ERBB4: variants seen among roughly 807,000 people sequenced by gnomAD.
ERBB4 encodes the protein erb-b2 receptor tyrosine kinase 4, also known as receptor tyrosine-protein kinase erbB-4.
A neutral mutation model predicts 158.0 loss-of-function variants in ERBB4; 42 were observed. The observed-to-expected ratio is 0.27, with a 90% confidence interval of 0.21 to 0.34. ERBB4 has a LOEUF of 0.34. Ranked by LOEUF, ERBB4 falls within the 10% of genes least tolerant of loss-of-function variation. The pLI, the probability that ERBB4 is intolerant of heterozygous loss-of-function variation, is 1.00. For synonymous variants in ERBB4, 583 were observed against 558.7 expected (o/e 1.04, Z -0.61); for missense variants, 1,333 against 1,624.1 (o/e 0.82, Z 3.08).
chr2:211,381,894 T>C lies in ERBB4; in HGVS notation c.*1721A>G. ...CAGAAAAGGGCGACTTATATCTAAGTTTCCTAATTATTGATGTGAGGCCCC... is the reference window on the plus strand; with the variant it reads ...CAGAAAAGGGCGACTTATATCTAAGCTTCCTAATTATTGATGTGAGGCCCC... On this transcript the variant is annotated 3_prime_UTR_variant, in exon 28 of 28. Transcript: ENST00000342788. 1 of 229,506 alleles carries C rather than the reference T, an allele frequency of 4.4e-6. No individual in the cohort carries two copies. The highest frequency in any genetic ancestry group is 6.2e-5 in the East Asian group (1 of 16,018). 14.2% of individuals were successfully genotyped at this position (229,506 alleles called of 1,614,324 possible). A position where few individuals can be genotyped will look rare whatever the true frequency, so the allele number is the denominator to read the frequency against.
rs572521211 is a variant in ERBB4 at position 212,230,690 on chromosome 2, G to C, written c.83-105787C>G. ...TACAAAATCTACGTCTATATAATAT[G>C]AATCATACTACTTATTCAGGTTATC... On this transcript the variant is annotated intron_variant, in intron 1 of 27. Transcript: ENST00000342788. Among the ~76,000 whole-genome samples, 8 of 152,218 alleles carry C rather than the reference G, an allele frequency of 5.3e-5. No individual in the cohort carries two copies. In the East Asian group the frequency reaches 1.5e-3, roughly 29 times the overall value.
intron 1 of ERBB4, among the ~76,000 whole-genome samples, chr2:212,169,287 T>C (rs889125002): frequency 6.6e-6 from 1 of 152,030 alleles, no homozygotes; most frequent in Non-Finnish European, 1.5e-5. Flanking sequence ...CAACAGAAAA[T>C]TGAATTAGTA....
At chr2:212,132,472 G>A (rs1256556969) in intron 1 of ERBB4, among the ~76,000 whole-genome samples, 5 of 152,116 alleles carry the variant, frequency 3.3e-5, no homozygotes, top group African/African-American at 1.2e-4. Context: ...CCCCAGTGTG[G>A]GTGAGTATTA....
chr2:211,518,708 T>C lies in ERBB4; in HGVS notation c.2487+43195A>G, dbSNP rs148526271. On this transcript the variant is annotated intron_variant, in intron 20 of 27. Transcript: ENST00000342788. ...AGGGTTTTGTTTAGTAGATGACTTATATTAGGCTGTAGACGATTTTAAACT... is the reference window on the plus strand; with the variant it reads ...AGGGTTTTGTTTAGTAGATGACTTACATTAGGCTGTAGACGATTTTAAACT... Among the ~76,000 whole-genome samples the C allele has an allele frequency of 5.8e-3, 881 of 152,180 alleles. 7 individuals carry two copies. Among genetic ancestry groups the C allele is most frequent in the African/African-American group, 0.019 (800 of 41,564 alleles).
intron 17 of ERBB4, among the ~76,000 whole-genome samples, chr2:211,625,128 T>C (rs1357051313): frequency 6.6e-6 from 1 of 152,136 alleles, no homozygotes; most frequent in Non-Finnish European, 1.5e-5. Context: ...CTGTATCCTA[T>C]GTTAAAATTT....
chr2:212,119,446 A>G (rs1474235247), intron 2 of ERBB4, among the ~76,000 whole-genome samples: 4 of 152,172 alleles, frequency 2.6e-5, no homozygotes, highest in Non-Finnish European at 5.9e-5. Flanking sequence ...GACAAAGGAG[A>G]GAAAGCTCCC....
At chr2:212,100,265 C>G (rs1366538271) in intron 2 of ERBB4, among the ~76,000 whole-genome samples, 2 of 152,110 alleles carry the variant, frequency 1.3e-5, no homozygotes, top group Non-Finnish European at 2.9e-5. Flanking sequence ...GAAGCAGCAT[C>G]AAAAAGTGTA....
chr2:211,781,160 T>G (rs7423708), intron 4 of ERBB4, among the ~76,000 whole-genome samples: 47,982 of 152,072 alleles, frequency 0.32, 7,850 homozygotes, highest in Admixed American at 0.41. Flanking sequence ...ATGTAATAGA[T>G]GAGGTTTAAT....
At chr2:212,298,159 A>T (rs2086484823) in intron 1 of ERBB4, among the ~76,000 whole-genome samples, 1 of 151,844 alleles carries the variant, frequency 6.6e-6, no homozygotes, top group East Asian at 1.9e-4. Context: ...AAACAATTGG[A>T]CTGCTCTAGG....
At chr2:212,119,710 C>A (rs1011949555) in intron 2 of ERBB4, among the ~76,000 whole-genome samples, 3 of 152,066 alleles carry the variant, frequency 2.0e-5, no homozygotes, top group Non-Finnish European at 4.4e-5. Context: ...CTGGATTTCT[C>A]TTCCCAAAAA....
At position 211,592,988 on chromosome 2, in the gene ERBB4, A is replaced by G. The variant is rs1338236039; in HGVS notation, c.2301+26189T>C. ...TTATTGCACCACTGCACTCCAGCCC[A>G]GGATACAGAGTGAGACTCCATCTCA... On this transcript the variant is annotated intron_variant, in intron 19 of 27. Coordinates refer to ENST00000342788, the MANE Select transcript of ERBB4 (RefSeq NM_005235.3). Among the ~76,000 whole-genome samples the G allele has an allele frequency of 2.0e-5, 3 of 147,762 alleles. No homozygotes were observed. The East Asian group carries it at 6.1e-4, about 30-fold the overall frequency.
intron 2 of ERBB4, among the ~76,000 whole-genome samples, chr2:212,082,643 A>C (rs1445225709): frequency 6.6e-6 from 1 of 152,080 alleles, no homozygotes; most frequent in Non-Finnish European, 1.5e-5. Context: ...TCAGTCTTAA[A>C]AACCTGAAGG....
chr2:211,888,791 C>CG (rs1575321950), intron 3 of ERBB4, among the ~76,000 whole-genome samples: 1 of 151,788 alleles, frequency 6.6e-6, no homozygotes, highest in Admixed American at 6.6e-5. Flanking sequence ...GGGTGACGGA[C>CG]GCACCTGGAA....
intron 25 of ERBB4, among the ~76,000 whole-genome samples, chr2:211,395,506 CTATT>C (rs1403393333): frequency 6.6e-6 from 1 of 151,868 alleles, no homozygotes; most frequent in Non-Finnish European, 1.5e-5. Context: ...AGAAACAAAC[CTATT>C]TATTTTTTAA....
At chr2:212,365,925 C>G (rs886491447) in intron 1 of ERBB4, among the ~76,000 whole-genome samples, 1 of 151,724 alleles carries the variant, frequency 6.6e-6, no homozygotes, top group Non-Finnish European at 1.5e-5. Context: ...ACGATCAGAC[C>G]AGCTAAAACA....
chr2:211,929,185 G>A (rs776284060), intron 3 of ERBB4, among the ~76,000 whole-genome samples: 1 of 151,572 alleles, frequency 6.6e-6, no homozygotes, highest in Non-Finnish European at 1.5e-5. Flanking sequence ...ACTGTGGCAG[G>A]TATCTCCACA....
intron 20 of ERBB4, among the ~76,000 whole-genome samples, chr2:211,511,261 A>AT (rs1390444175): frequency 6.6e-6 from 1 of 152,010 alleles, no homozygotes; most frequent in African/African-American, 2.4e-5. Context: ...CTAGCATTGT[A>AT]TTTTTCAATT....
rs1009675096 is a variant in ERBB4 at position 212,484,755 on chromosome 2, G to A, written c.82+53694C>T. On this transcript the variant is annotated intron_variant, in intron 1 of 27. Coordinates refer to ENST00000342788, the MANE Select transcript of ERBB4 (RefSeq NM_005235.3). The stretch of plus-strand genomic sequence containing the variant: ...ATCTCTGTCTCCTTCCTACTCACAC[G>A]ACCCACACGCCTCAAGTATTCTGGT... Among the ~76,000 whole-genome samples, 61 of 151,998 alleles carry A rather than the reference G, an allele frequency of 4.0e-4. 1 individual carries two copies. Among genetic ancestry groups the A allele is most frequent in the African/African-American group, 1.4e-3 (57 of 41,374 alleles).
At chr2:212,520,991 T>C (rs1288911162) in intron 1 of ERBB4, among the ~76,000 whole-genome samples, 1 of 151,942 alleles carries the variant, frequency 6.6e-6, no homozygotes, top group African/African-American at 2.4e-5. Context: ...AATTTACAGA[T>C]TATCTTCTAT....
Sources: allele counts gnomAD v4.1 joint callset (sites outside exome capture counted in the v4.1 genomes callset), GRCh38; gene constraint gnomAD v4.1.1; transcripts MANE v1.5; gene names NCBI Gene and HGNC (gene_info 2026-07-23, HGNC 2026-07-21).